NOL10: variants seen among roughly 807,000 people sequenced by gnomAD.
NOL10 encodes H_NH0074G24.1.
Under a neutral mutation model 103.5 loss-of-function variants are expected in NOL10, and 58 were observed. The ratio of observed to expected loss-of-function variants is 0.56; its 90% CI spans 0.45 to 0.70. The LOEUF (loss-of-function observed/expected upper bound fraction) is 0.70. NOL10 is among the 30% of genes least tolerant of loss of function. The probability of loss-of-function intolerance (pLI) is 0.00; values close to 1 mark genes in which losing one functional copy is unlikely to be tolerated. For synonymous variants in NOL10, 287 were observed against 282.5 expected, an observed-to-expected ratio of 1.02 and a Z score of -0.16; for missense variants, 763 against 807.3, an observed-to-expected ratio of 0.95 and a Z score of 0.67.
chr2:10,672,771 T>C (rs770508504), intron 5 of NOL10, among the ~76,000 whole-genome samples: 1 of 152,154 alleles, frequency 6.6e-6, no homozygotes, highest in Non-Finnish European at 1.5e-5. Context: ...GTCAGGTGGA[T>C]CACTTGAGGT....
At chr2:10,590,847 C>T (rs777316810) in intron 17 of NOL10, 7 of 152,212 alleles carry the variant, frequency 4.6e-5, no homozygotes, top group Non-Finnish European at 7.3e-5. Context: ...TTCTCTGCTA[C>T]AGGCTTGGAA....
rs985694219 is a variant in NOL10, at chr2:10,573,868, C to T, written c.1948-1678G>A. ...CCCACCCAAGCCCAGGCTGCTGCCG[C>T]TCCTAAGCATGGCCACCACGGAGCT... On this transcript the variant is annotated intron_variant, in intron 20 of 20. Transcript: ENST00000381685. 2.5e-4 allele frequency among the ~76,000 whole-genome samples: 38 copies of T among 152,186 alleles called. 1 individual carries two copies. Among genetic ancestry groups the T allele is most frequent in the Admixed American group, 2.4e-3 (36 of 15,278 alleles).
chr2:10,638,906 G>A (rs534384792), intron 13 of NOL10, among the ~76,000 whole-genome samples: 98 of 144,374 alleles, frequency 6.8e-4, no homozygotes, highest in Middle Eastern at 3.9e-3. Flanking sequence ...AGGTTCAAGC[G>A]ATTCTCCTGC....
chr2:10,646,502 A>G (rs1679079078), intron 12 of NOL10, among the ~76,000 whole-genome samples: 1 of 152,234 alleles, frequency 6.6e-6, no homozygotes, highest in Admixed American at 6.5e-5. Context: ...CTACTACCAA[A>G]CTCAAGTGAG....
intron 7 of NOL10, among the ~76,000 whole-genome samples, chr2:10,667,624 A>G (rs1680643334): frequency 6.6e-6 from 1 of 152,212 alleles, no homozygotes; most frequent in African/African-American, 2.4e-5. Context: ...AACACACGCT[A>G]TCACCATGAC....
At chr2:10,595,281 C>T (rs1675614271) in intron 17 of NOL10, among the ~76,000 whole-genome samples, 1 of 151,968 alleles carries the variant, frequency 6.6e-6, no homozygotes, top group Non-Finnish European at 1.5e-5. Flanking sequence ...AATGGGATGG[C>T]CTACATTCCT....
intron 13 of NOL10, among the ~76,000 whole-genome samples, chr2:10,628,610 T>TATA (rs1282531549): frequency 6.6e-6 from 1 of 152,130 alleles, no homozygotes; most frequent in Non-Finnish European, 1.5e-5. Flanking sequence ...CTAAATGGAA[T>TATA]ATAAGCAAAC....
At chr2:10,638,377 A>G (rs1159021311) in intron 13 of NOL10, among the ~76,000 whole-genome samples, 1 of 132,180 alleles carries the variant, frequency 7.6e-6, no homozygotes, top group Non-Finnish European at 1.6e-5. Flanking sequence ...CCTAACTGCC[A>G]TTCTTGAAAG....
At chr2:10,638,662 T>C (rs910047724) in intron 13 of NOL10, among the ~76,000 whole-genome samples, 6 of 151,288 alleles carry the variant, frequency 4.0e-5, no homozygotes, top group Non-Finnish European at 7.4e-5. Flanking sequence ...CGGCTGATTT[T>C]TTGTCTCTTT....
intron 13 of NOL10, among the ~76,000 whole-genome samples, chr2:10,615,906 G>A (rs967476917): frequency 2.6e-5 from 4 of 152,150 alleles, no homozygotes; most frequent in African/African-American, 9.7e-5. Context: ...CGGGGTGGGT[G>A]GGGAGTATGC....
intron 17 of NOL10, among the ~76,000 whole-genome samples, chr2:10,596,253 TGGTG>T (rs1262172116): frequency 7.3e-4 from 13 of 17,836 alleles, no homozygotes; most frequent in African/African-American, 9.6e-4. Context: ...CCACAGATGG[TGGTG>T]GGGGGCGGGG....
In NOL10 at chr2:10,579,254, C is replaced by T. The variant is rs535531829; in HGVS notation, c.1845-1516G>A. ...TAAGCAATAATGTTATTAAGAAGCA[C>T]TTTTAAAGTACTTTTCATCTTCAAA... On this transcript the variant is annotated intron_variant, in intron 19 of 20. Coordinates refer to ENST00000381685, the MANE Select transcript of NOL10 (RefSeq NM_024894.4). Among the ~76,000 whole-genome samples the T allele has an allele frequency of 6.6e-5, 10 of 152,278 alleles. No homozygotes were observed. The South Asian group carries it at 1.0e-3, about 16-fold the overall frequency.
chr2:10,648,128 T>G (rs919997116), intron 12 of NOL10, among the ~76,000 whole-genome samples: 1 of 152,216 alleles, frequency 6.6e-6, no homozygotes, highest in Non-Finnish European at 1.5e-5. Flanking sequence ...TGATGAGCCA[T>G]AGGAGCAGGG....
intron 19 of NOL10, among the ~76,000 whole-genome samples, chr2:10,584,293 A>C (rs1004936048): frequency 2.0e-5 from 3 of 152,210 alleles, no homozygotes; most frequent in Non-Finnish European, 4.4e-5. Context: ...GTATGCTCGC[A>C]CTGAGCAGTT....
intron 14 of NOL10, among the ~76,000 whole-genome samples, chr2:10,604,368 G>A (rs1676138614): frequency 6.6e-6 from 1 of 152,154 alleles, no homozygotes; most frequent in South Asian, 2.1e-4. Context: ...AAATCATACA[G>A]TAGTATAAAA....
At chr2:10,627,422 T>C (rs1677539533) in intron 13 of NOL10, among the ~76,000 whole-genome samples, 1 of 152,122 alleles carries the variant, frequency 6.6e-6, no homozygotes, top group Non-Finnish European at 1.5e-5. Flanking sequence ...ACACCTGTAA[T>C]CCCAGCACTT....
At position 10,634,075 on chromosome 2, in the gene NOL10, G is replaced by A. The variant is rs118106721; in HGVS notation, c.1026+10245C>T. Among the ~76,000 whole-genome samples, 158 of 152,204 alleles carry A rather than the reference G, an allele frequency of 1.0e-3. 4 individuals are homozygous for A. The East Asian group carries it at 0.025, about 25-fold the overall frequency. On this transcript the variant is annotated intron_variant, in intron 13 of 20. Transcript: ENST00000381685. ...ACTCCTAGGCTCAAGCAATCCTCTT[G>A]CCTCAGCCACCCAAAGCACTGGTAT...
chr2:10,602,785 G>T lies in NOL10; in HGVS notation c.1323C>A (p.Val441=). The T allele has an allele frequency of 1.3e-6, 2 of 1,584,214 alleles. No homozygotes were observed. The highest frequency in any genetic ancestry group is 1.7e-6 in the Non-Finnish European group (2 of 1,156,340). ...QKIEETRAQR[V]QLKKLPKVNK... ...TAAGTATAATATTTACCTTTAACTG[G>T]ACTCTCTGTGCACGTGTTTCTTCTA... Residue 441 remains valine (V), a synonymous_variant, in exon 16 of 21, where the codon GTC becomes GTA. Transcript: ENST00000381685.
At chr2:10,591,601 G>A (rs1009162818) in intron 17 of NOL10, among the ~76,000 whole-genome samples, 1 of 152,056 alleles carries the variant, frequency 6.6e-6, no homozygotes, top group African/African-American at 2.4e-5. Context: ...AAGAGGAGGA[G>A]GGGGAGGAAG....
Sources: allele counts gnomAD v4.1 joint callset (sites outside exome capture counted in the v4.1 genomes callset), GRCh38; gene constraint gnomAD v4.1.1; transcripts MANE v1.5; gene names NCBI Gene and HGNC (gene_info 2026-07-23, HGNC 2026-07-21).